CTNND2: variants seen among roughly 807,000 people sequenced by gnomAD.
CTNND2 encodes the protein catenin delta-2.
Under a neutral mutation model 144.4 loss-of-function variants are expected in CTNND2, and 22 were observed. The observed-to-expected ratio is 0.15, with a 90% CI of 0.11 to 0.22. The LOEUF (loss-of-function observed/expected upper bound fraction) is 0.22. CTNND2 is among the 10% of genes least tolerant of loss of function. CTNND2 has a pLI of 1.00. For missense variants in CTNND2, 1,353 were observed against 1,618.8 expected, an observed-to-expected ratio of 0.84 and a Z score of 2.82; for synonymous variants, 751 against 695.6, an observed-to-expected ratio of 1.08 and a Z score of -1.25.
intron 1 of CTNND2, among the ~76,000 whole-genome samples, chr5:11,747,438 T>C (rs904968765): frequency 1.3e-5 from 2 of 152,178 alleles, no homozygotes; most frequent in African/African-American, 4.8e-5. Flanking sequence ...CCACAGCCCC[T>C]AATACAGTGT....
At chr5:11,750,608 G>T (rs1003472007) in intron 1 of CTNND2, among the ~76,000 whole-genome samples, 4 of 151,824 alleles carry the variant, frequency 2.6e-5, no homozygotes, top group Admixed American at 6.6e-5. Context: ...AAAGGGTTCA[G>T]CTTTAATTAC....
chr5:11,756,637 C>A (rs1320485574), intron 1 of CTNND2, among the ~76,000 whole-genome samples: 1 of 55,444 alleles, frequency 1.8e-5, no homozygotes, highest in Non-Finnish European at 3.6e-5. Context: ...TCGATATACA[C>A]ACACATACAT....
chr5:11,004,156 C>G (rs1740239904), intron 18 of CTNND2, among the ~76,000 whole-genome samples: 1 of 152,148 alleles, frequency 6.6e-6, no homozygotes, highest in Non-Finnish European at 1.5e-5. Flanking sequence ...ACGAAAACAC[C>G]TGGGAAATTG....
At chr5:11,166,410 G>T (rs186007164) in intron 11 of CTNND2, among the ~76,000 whole-genome samples, 3 of 151,582 alleles carry the variant, frequency 2.0e-5, no homozygotes, top group Non-Finnish European at 2.9e-5. Context: ...CACCACGCCC[G>T]GCTAAATTTT....
intron 3 of CTNND2, among the ~76,000 whole-genome samples, chr5:11,476,785 C>T (rs1767786849): frequency 6.6e-6 from 1 of 152,132 alleles, no homozygotes; most frequent in South Asian, 2.1e-4. Flanking sequence ...TTTAACACTC[C>T]TTACAAAAAA....
chr5:11,308,250 T>C (rs1011050744), intron 9 of CTNND2, among the ~76,000 whole-genome samples: 1 of 151,910 alleles, frequency 6.6e-6, no homozygotes, highest in African/African-American at 2.4e-5. Flanking sequence ...AAGCAAGCTA[T>C]CTATTCAATT....
chr5:11,335,324 T>A (rs750269850), intron 9 of CTNND2, among the ~76,000 whole-genome samples: 21 of 152,198 alleles, frequency 1.4e-4, no homozygotes, highest in Non-Finnish European at 2.8e-4. Flanking sequence ...GGAAATTAAT[T>A]TTCATTAGTT....
chr5:11,433,898 T>C (rs1763525259), intron 3 of CTNND2, among the ~76,000 whole-genome samples: 1 of 152,150 alleles, frequency 6.6e-6, no homozygotes, highest in African/African-American at 2.4e-5. Context: ...CCAACTACTT[T>C]GGGGAAAAGT....
chr5:11,483,922 GA>G (rs1768534242), intron 3 of CTNND2, among the ~76,000 whole-genome samples: 3 of 152,200 alleles, frequency 2.0e-5, no homozygotes, highest in Admixed American at 6.5e-5. Context: ...ACTGGATTGG[GA>G]TAGACAAGTG....
intron 18 of CTNND2, among the ~76,000 whole-genome samples, chr5:10,994,499 ATAGAAAAGTAGG>A (rs1407636054): frequency 1.4e-5 from 2 of 147,630 alleles, no homozygotes; most frequent in African/African-American, 5.0e-5. Context: ...CGGGGTGGGT[ATAGAAAAGTAGG>A]GGTGAGGATG....
At chr5:11,347,753 A>G (rs1037177810) in intron 8 of CTNND2, among the ~76,000 whole-genome samples, 1 of 152,218 alleles carries the variant, frequency 6.6e-6, no homozygotes, top group African/African-American at 2.4e-5. Flanking sequence ...TCAATTATAC[A>G]TCTCTGACTT....
chr5:11,169,982 C>G (rs1580477818), intron 11 of CTNND2, among the ~76,000 whole-genome samples: 1 of 152,188 alleles, frequency 6.6e-6, no homozygotes, highest in Non-Finnish European at 1.5e-5. Flanking sequence ...CCGAAAATAT[C>G]TAACATCTTT....
At chr5:11,546,112 C>T (rs1775214390) in intron 3 of CTNND2, among the ~76,000 whole-genome samples, 1 of 152,022 alleles carries the variant, frequency 6.6e-6, no homozygotes, top group East Asian at 1.9e-4. Flanking sequence ...ACAGAATGGG[C>T]ACATAGACAC....
intron 9 of CTNND2, among the ~76,000 whole-genome samples, chr5:11,257,251 C>T (rs1744349902): frequency 6.6e-6 from 1 of 152,038 alleles, no homozygotes; most frequent in Middle Eastern, 3.4e-3. Flanking sequence ...CAGCAATTAC[C>T]TCTTGTTTCC....
At chr5:11,033,818 C>T (rs1167458064) in intron 16 of CTNND2, among the ~76,000 whole-genome samples, 3 of 149,982 alleles carry the variant, frequency 2.0e-5, no homozygotes, top group Non-Finnish European at 4.5e-5. Context: ...CAACAGAGTA[C>T]GACTGTCTCA....
intron 10 of CTNND2, among the ~76,000 whole-genome samples, chr5:11,221,395 T>C (rs1361497301): frequency 6.6e-6 from 1 of 152,224 alleles, no homozygotes; most frequent in African/African-American, 2.4e-5. Flanking sequence ...CATTTGTAGT[T>C]CCACCAGGTT....
intron 9 of CTNND2, among the ~76,000 whole-genome samples, chr5:11,286,292 C>A (rs1295293933): frequency 6.6e-6 from 1 of 151,740 alleles, no homozygotes; most frequent in African/African-American, 2.4e-5. Context: ...ATCTAGATAC[C>A]ATCAATAATT....
chr5:11,055,330 A>G (rs367808613), intron 16 of CTNND2, among the ~76,000 whole-genome samples: 20 of 152,330 alleles, frequency 1.3e-4, no homozygotes, highest in African/African-American at 4.6e-4. Context: ...AGCTGCCATA[A>G]GTCCCCTCTG....
chr5:11,113,909 C>T (rs769624159), intron 13 of CTNND2, among the ~76,000 whole-genome samples: 2 of 152,168 alleles, frequency 1.3e-5, no homozygotes, highest in Non-Finnish European at 2.9e-5. Context: ...TGAAAACTTA[C>T]GAGGAAAACC....
Sources: allele counts gnomAD v4.1 joint callset (sites outside exome capture counted in the v4.1 genomes callset), GRCh38; gene constraint gnomAD v4.1.1; transcripts MANE v1.5; gene names NCBI Gene and HGNC (gene_info 2026-07-23, HGNC 2026-07-21).